CTNNA2: variants seen among roughly 807,000 people sequenced by gnomAD.
The protein encoded by CTNNA2 is catenin alpha-2.
CTNNA2 carries 42 observed loss-of-function variants against 101.0 expected under a neutral mutation model. The observed-to-expected ratio is 0.42, with a 90% confidence interval of 0.32 to 0.54. The LOEUF (loss-of-function observed/expected upper bound fraction) is 0.54. Ranked by LOEUF, CTNNA2 falls within the 20% of genes least tolerant of loss-of-function variation. The pLI is 0.14. For synonymous variants in CTNNA2, 450 were observed against 456.4 expected, an observed-to-expected ratio of 0.99 and a Z score of 0.18; for missense variants, 871 against 1,223.1, an observed-to-expected ratio of 0.71 and a Z score of 4.29.
chr2:80,111,656 C>T (rs1477456391), intron 7 of CTNNA2, among the ~76,000 whole-genome samples: 1 of 152,168 alleles, frequency 6.6e-6, no homozygotes, highest in Non-Finnish European at 1.5e-5. Context: ...ATCCTCCTGC[C>T]TCAGCCTCCC....
intron 7 of CTNNA2, among the ~76,000 whole-genome samples, chr2:80,231,513 G>T (rs946867341): frequency 1.3e-5 from 2 of 152,106 alleles, no homozygotes; most frequent in Admixed American, 1.3e-4. Context: ...CCCTCTTCAG[G>T]TCCCAGAGAA....
chr2:80,523,960 G>A (rs1452659461), intron 9 of CTNNA2, among the ~76,000 whole-genome samples: 2 of 152,164 alleles, frequency 1.3e-5, no homozygotes, highest in African/African-American at 4.8e-5. Context: ...GATAGGCAGA[G>A]GTAGAAGGGT....
chr2:79,726,604 G>A (rs1686857279), intron 2 of CTNNA2, among the ~76,000 whole-genome samples: 3 of 152,130 alleles, frequency 2.0e-5, no homozygotes, highest in Admixed American at 6.5e-5. Flanking sequence ...ACATTCCCCC[G>A]GTGGAAAAAT....
chr2:80,484,341 T>C (rs1686383310), intron 9 of CTNNA2, among the ~76,000 whole-genome samples: 1 of 152,200 alleles, frequency 6.6e-6, no homozygotes, highest in African/African-American at 2.4e-5. Context: ...ATGTACCCGA[T>C]ACATAGTGTG....
intron 2 of CTNNA2, among the ~76,000 whole-genome samples, chr2:79,723,337 T>G (rs1034357941): frequency 4.6e-5 from 7 of 152,230 alleles, no homozygotes; most frequent in African/African-American, 1.7e-4. Context: ...GCATTGTTTA[T>G]GAAGAGGCAT....
At chr2:79,220,723 A>G (rs1036365397) in intron 2 of CTNNA2, among the ~76,000 whole-genome samples, 4 of 152,184 alleles carry the variant, frequency 2.6e-5, no homozygotes, top group Non-Finnish European at 4.4e-5. Context: ...GAAATTGAAA[A>G]AAAGTATCCA....
intron 7 of CTNNA2, among the ~76,000 whole-genome samples, chr2:79,992,986 T>G (rs1414009605): frequency 6.6e-6 from 1 of 152,182 alleles, no homozygotes; most frequent in Non-Finnish European, 1.5e-5. Context: ...CTTTCATTAC[T>G]TCTCCCCTTC....
chr2:79,598,905 A>T (rs568841850), intron 1 of CTNNA2, among the ~76,000 whole-genome samples: 1 of 152,130 alleles, frequency 6.6e-6, no homozygotes, highest in East Asian at 1.9e-4. Context: ...GCTTTCTCTT[A>T]TGTTATCTTT....
At chr2:79,579,331 C>T (rs1405020254) in intron 1 of CTNNA2, among the ~76,000 whole-genome samples, 14 of 149,648 alleles carry the variant, frequency 9.4e-5, no homozygotes, top group Admixed American at 1.3e-4. Context: ...TTTTTATCTG[C>T]TACCTGGATC....
intron 7 of CTNNA2, among the ~76,000 whole-genome samples, chr2:79,918,132 C>T (rs981533675): frequency 1.3e-5 from 2 of 152,130 alleles, no homozygotes; most frequent in Admixed American, 6.5e-5. Flanking sequence ...CTATCTCATT[C>T]CCCCACTCAC....
intron 7 of CTNNA2, among the ~76,000 whole-genome samples, chr2:80,140,282 A>AG (rs1259455961): frequency 1.3e-5 from 2 of 152,132 alleles, no homozygotes; most frequent in African/African-American, 2.4e-5. Flanking sequence ...GGTCCTTCAA[A>AG]GTCCATTTGG....
At chr2:79,633,713 G>C (rs17017373) in intron 1 of CTNNA2, 1 of 152,164 alleles carries the variant, frequency 6.6e-6, no homozygotes. Context: ...CAAAGGAAGC[G>C]TTTCATTCCA....
chr2:80,037,068 C>T (rs1459984838), intron 7 of CTNNA2, among the ~76,000 whole-genome samples: 1 of 152,134 alleles, frequency 6.6e-6, no homozygotes, highest in Non-Finnish European at 1.5e-5. Context: ...ATGAATGTTA[C>T]TGTTGAGTCA....
At chr2:80,541,034 G>A (rs1691508619) in intron 9 of CTNNA2, among the ~76,000 whole-genome samples, 1 of 152,140 alleles carries the variant, frequency 6.6e-6, no homozygotes, top group Non-Finnish European at 1.5e-5. Flanking sequence ...ATGAAGCTAA[G>A]GATCATTTGC....
intron 4 of CTNNA2, among the ~76,000 whole-genome samples, chr2:79,865,768 G>A (rs962650471): frequency 2.6e-5 from 4 of 152,358 alleles, no homozygotes; most frequent in Admixed American, 2.6e-4. Flanking sequence ...CGCCCAGGCT[G>A]GAGTGCAGTG....
At chr2:79,895,427 G>A (rs1490519658) in intron 6 of CTNNA2, among the ~76,000 whole-genome samples, 1 of 152,012 alleles carries the variant, frequency 6.6e-6, no homozygotes, top group East Asian at 1.9e-4. Flanking sequence ...CATGAAATTT[G>A]AGTGTATAAC....
At chr2:79,994,405 C>T (rs1297140106) in intron 7 of CTNNA2, among the ~76,000 whole-genome samples, 1 of 152,114 alleles carries the variant, frequency 6.6e-6, no homozygotes, top group Non-Finnish European at 1.5e-5. Flanking sequence ...TTCCTCTTTT[C>T]CCCCAGCTCA....
At chr2:79,214,544 T>A (rs1674220603) in intron 2 of CTNNA2, among the ~76,000 whole-genome samples, 1 of 152,090 alleles carries the variant, frequency 6.6e-6, no homozygotes, top group Non-Finnish European at 1.5e-5. Flanking sequence ...TTTTAAAGCG[T>A]GCTATGGGAT....
At chr2:80,352,779 T>G (rs1259600311) in intron 7 of CTNNA2, among the ~76,000 whole-genome samples, 3 of 152,238 alleles carry the variant, frequency 2.0e-5, no homozygotes, top group East Asian at 1.9e-4. Context: ...TATTTGAGTT[T>G]ATTATAAGAC....
Sources: allele counts gnomAD v4.1 joint callset (sites outside exome capture counted in the v4.1 genomes callset), GRCh38; gene constraint gnomAD v4.1.1; transcripts MANE v1.5; gene names NCBI Gene and HGNC (gene_info 2026-07-23, HGNC 2026-07-21).